PCDH7: variants seen among roughly 807,000 people sequenced by gnomAD.
PCDH7 encodes the protein protocadherin-7.
Under a neutral mutation model 58.9 loss-of-function variants are expected in PCDH7, and 17 were observed. The observed-to-expected ratio is 0.29, with a 90% confidence interval of 0.20 to 0.43. The LOEUF (loss-of-function observed/expected upper bound fraction) is 0.43, where lower values mean the gene tolerates loss of function less well. Among genes scored for constraint, PCDH7 ranks in the 20% least tolerant of loss-of-function variants. PCDH7 has a pLI of 1.00. For missense variants in PCDH7, 1,274 were observed against 1,441.0 expected (o/e 0.88, Z 1.88); for synonymous variants, 664 against 616.4 (o/e 1.08, Z -1.14).
intron 3 of PCDH7, among the ~76,000 whole-genome samples, chr4:31,118,448 G>A (rs982632141): frequency 6.6e-6 from 1 of 151,966 alleles, no homozygotes; most frequent in Non-Finnish European, 1.5e-5. Flanking sequence ...CAAGTCATTT[G>A]GCGGTCTTTC....
intron 3 of PCDH7, among the ~76,000 whole-genome samples, chr4:31,135,084 T>C (rs1346638244): frequency 6.6e-6 from 1 of 152,146 alleles, no homozygotes; most frequent in African/African-American, 2.4e-5. Context: ...GGCTGTTTTG[T>C]TTTATGATTT....
intron 1 of PCDH7, among the ~76,000 whole-genome samples, chr4:30,765,268 C>T (rs1720604292): frequency 6.6e-6 from 1 of 151,294 alleles, no homozygotes; most frequent in South Asian, 2.1e-4. Context: ...TAAAAATGCC[C>T]TCAAATTCCA....
At chr4:30,765,993 A>C (rs1720689715) in intron 1 of PCDH7, among the ~76,000 whole-genome samples, 1 of 152,102 alleles carries the variant, frequency 6.6e-6, no homozygotes, top group Non-Finnish European at 1.5e-5. Context: ...AATTCCCTTA[A>C]GACGGAGAAG....
At chr4:30,779,678 C>T (rs1196627421) in intron 1 of PCDH7, among the ~76,000 whole-genome samples, 1 of 152,188 alleles carries the variant, frequency 6.6e-6, no homozygotes, top group Non-Finnish European at 1.5e-5. Flanking sequence ...CTCACATTTA[C>T]AAATTCAAGT....
At chr4:30,872,877 T>C (rs368235029) in intron 1 of PCDH7, among the ~76,000 whole-genome samples, 3 of 152,218 alleles carry the variant, frequency 2.0e-5, no homozygotes, top group East Asian at 3.9e-4. Flanking sequence ...AGCTTGCTTA[T>C]GAGGATTCAG....
intron 1 of PCDH7, among the ~76,000 whole-genome samples, chr4:30,848,640 T>C (rs1452825151): frequency 6.6e-6 from 1 of 152,182 alleles, no homozygotes; most frequent in East Asian, 1.9e-4. Context: ...TTTCTTTTCA[T>C]AGTCCTGCCA....
intron 3 of PCDH7, among the ~76,000 whole-genome samples, chr4:30,968,150 T>C (rs1749155510): frequency 6.6e-6 from 1 of 151,502 alleles, no homozygotes; most frequent in Non-Finnish European, 1.5e-5. Flanking sequence ...ATTTTGCAAA[T>C]ATTTGTTGAG....
intron 2 of PCDH7, among the ~76,000 whole-genome samples, chr4:30,938,038 G>T (rs1745566387): frequency 6.6e-6 from 1 of 151,932 alleles, no homozygotes; most frequent in Non-Finnish European, 1.5e-5. Flanking sequence ...TCCTTCCTAA[G>T]AATAAGGTAG....
chr4:30,925,369 C>T (rs1743723800), intron 2 of PCDH7, among the ~76,000 whole-genome samples: 1 of 152,180 alleles, frequency 6.6e-6, no homozygotes, highest in African/African-American at 2.4e-5. Flanking sequence ...AGGCATCTGT[C>T]AGGCAAAGTT....
intron 3 of PCDH7, among the ~76,000 whole-genome samples, chr4:31,035,112 A>G (rs1196949462): frequency 1.3e-5 from 2 of 152,230 alleles, no homozygotes; most frequent in African/African-American, 4.8e-5. Context: ...GAGGTTCTTT[A>G]GGAATCTGTG....
exon 2 of PCDH7, chr4:30,730,971 T>C (rs1289123682): frequency 7.8e-7 from 1 of 1,279,852 alleles, no homozygotes; most frequent in East Asian, 3.0e-5. Context: ...GAAAATAAAA[T>C]AAATGTATGA....
At chr4:30,912,523 C>G (rs937136131) in intron 1 of PCDH7, among the ~76,000 whole-genome samples, 49 of 152,100 alleles carry the variant, frequency 3.2e-4, no homozygotes, top group African/African-American at 1.2e-3. Context: ...AATAAAAAAG[C>G]CTTTTCAGCC....
At chr4:31,117,733 G>A (rs2109319498) in intron 3 of PCDH7, among the ~76,000 whole-genome samples, 1 of 152,130 alleles carries the variant, frequency 6.6e-6, no homozygotes, top group Non-Finnish European at 1.5e-5. Context: ...CCATATTTAG[G>A]GATGAAAAAT....
chr4:30,791,732 AG>A (rs1560374397), intron 1 of PCDH7, among the ~76,000 whole-genome samples: 1 of 152,246 alleles, frequency 6.6e-6, no homozygotes, highest in Non-Finnish European at 1.5e-5. Flanking sequence ...TAATTTTTTC[AG>A]GCATAGACAA....
intron 1 of PCDH7, among the ~76,000 whole-genome samples, chr4:30,726,709 A>G (rs1714657240): frequency 6.6e-6 from 1 of 151,998 alleles, no homozygotes. Context: ...GTCATTACAT[A>G]TTCAAAAGAA....
At chr4:31,112,969 A>C (rs1214354929) in intron 3 of PCDH7, among the ~76,000 whole-genome samples, 1 of 152,196 alleles carries the variant, frequency 6.6e-6, no homozygotes, top group African/African-American at 2.4e-5. Flanking sequence ...ATAATTGCTC[A>C]GATCCTGTTT....
chr4:30,929,887 G>T (rs930881647), intron 2 of PCDH7, among the ~76,000 whole-genome samples: 6 of 152,128 alleles, frequency 3.9e-5, no homozygotes, highest in African/African-American at 1.4e-4. Context: ...AGCATTTGTA[G>T]CCAAAGGTCC....
At chr4:30,808,991 G>T (rs1472399184) in intron 1 of PCDH7, among the ~76,000 whole-genome samples, 3 of 151,976 alleles carry the variant, frequency 2.0e-5, no homozygotes, top group Non-Finnish European at 4.4e-5. Flanking sequence ...TGCTAAAATG[G>T]CAATTTGTCC....
At chr4:30,749,283 C>T (rs1160980827) in intron 1 of PCDH7, among the ~76,000 whole-genome samples, 2 of 152,170 alleles carry the variant, frequency 1.3e-5, no homozygotes, top group Admixed American at 6.6e-5. Context: ...GCTTTGAATT[C>T]ATAACTTTTT....
Sources: gnomAD v4.1 joint callset for allele counts (sites outside exome capture counted in the v4.1 genomes callset) on GRCh38, gnomAD v4.1.1 for gene constraint, MANE v1.5 for transcripts, NCBI Gene and HGNC (gene_info 2026-07-23, HGNC 2026-07-21) for gene names.